Variants in CNBD1 observed in about 807,000 individuals in gnomAD.
CNBD1 encodes the protein cyclic nucleotide-binding domain-containing protein 1.
CNBD1 carries 71 observed loss-of-function variants against 54.4 expected under a neutral mutation model. The observed-to-expected ratio is 1.30, with a 90% CI of 1.08 to 1.59. The LOEUF (loss-of-function observed/expected upper bound fraction) is 1.59. Ranked by LOEUF, CNBD1 falls within the 40% of genes most tolerant of loss-of-function variation. The pLI is 0.00. For missense variants in CNBD1, 659 were observed against 518.0 expected, an observed-to-expected ratio of 1.27 and a Z score of -2.64; for synonymous variants, 182 against 170.7, an observed-to-expected ratio of 1.07 and a Z score of -0.51.
chr8:87,001,060 A>G (rs1808980046), intron 4 of CNBD1, among the ~76,000 whole-genome samples: 1 of 152,092 alleles, frequency 6.6e-6, no homozygotes, highest in Non-Finnish European at 1.5e-5. Flanking sequence ...TGAACAAACA[A>G]TTATCATTAT....
chr8:87,107,299 C>G (rs1385247208), intron 4 of CNBD1, among the ~76,000 whole-genome samples: 1 of 152,186 alleles, frequency 6.6e-6, no homozygotes, highest in African/African-American at 2.4e-5. Flanking sequence ...TCTCCTGTTT[C>G]CTTCCAACTT....
intron 1 of CNBD1, among the ~76,000 whole-genome samples, chr8:86,877,167 G>A (rs1305186228): frequency 6.6e-6 from 1 of 151,892 alleles, no homozygotes; most frequent in African/African-American, 2.4e-5. Context: ...TTCTTAAACT[G>A]TAACTATTAA....
At chr8:87,391,982 T>C (rs907400051) in intron 2 of CNBD1, among the ~76,000 whole-genome samples, 1 of 152,014 alleles carries the variant, frequency 6.6e-6, no homozygotes, top group Non-Finnish European at 1.5e-5. Flanking sequence ...CACAACTGTG[T>C]AATTAAAAAT....
chr8:87,087,652 G>C (rs979699221), intron 4 of CNBD1, among the ~76,000 whole-genome samples: 13 of 151,834 alleles, frequency 8.6e-5, no homozygotes, highest in Non-Finnish European at 1.8e-4. Context: ...ATTTTTAGTA[G>C]AGACGGGGTT....
At chr8:87,170,785 C>A (rs1392778244) in intron 4 of CNBD1, among the ~76,000 whole-genome samples, 1 of 152,080 alleles carries the variant, frequency 6.6e-6, no homozygotes, top group Non-Finnish European at 1.5e-5. Context: ...TGTTTTTTCC[C>A]ATCATTCTGT....
At chr8:87,280,901 G>C (rs1373805571) in intron 6 of CNBD1, among the ~76,000 whole-genome samples, 1 of 151,474 alleles carries the variant, frequency 6.6e-6, no homozygotes, top group Non-Finnish European at 1.5e-5. Context: ...ATGAGAAACT[G>C]TTCCATCTGT....
intron 4 of CNBD1, among the ~76,000 whole-genome samples, chr8:87,053,537 TC>T (rs1810354829): frequency 1.3e-5 from 2 of 152,062 alleles, no homozygotes; most frequent in African/African-American, 2.4e-5. Flanking sequence ...AGAAGGGGTG[TC>T]CCCCCTCTCC....
chr8:87,010,344 AATTTTCTAAT>A, intron 4 of CNBD1, among the ~76,000 whole-genome samples: 1 of 152,132 alleles, frequency 6.6e-6, no homozygotes. Flanking sequence ...TCTGTCTTCC[AATTTTCTAAT>A]GCTTTGTTTT....
chr8:87,338,100 A>T (rs533893914), intron 8 of CNBD1, among the ~76,000 whole-genome samples: 20 of 152,186 alleles, frequency 1.3e-4, no homozygotes, highest in Non-Finnish European at 2.4e-4. Flanking sequence ...TGCAATATAC[A>T]CTTAAACCTA....
At chr8:86,999,164 G>A (rs1042770333) in intron 4 of CNBD1, among the ~76,000 whole-genome samples, 1 of 152,158 alleles carries the variant, frequency 6.6e-6, no homozygotes, top group African/African-American at 2.4e-5. Flanking sequence ...GCTTCTTTTT[G>A]CTTTGATTTT....
chr8:86,962,108 T>G (rs1014813420), intron 4 of CNBD1, among the ~76,000 whole-genome samples: 1 of 113,032 alleles, frequency 8.8e-6, no homozygotes, highest in Admixed American at 7.9e-5. Flanking sequence ...AAAACAGAGG[T>G]TTTTTTCAAA....
At chr8:87,328,711 C>T (rs1445137160) in intron 8 of CNBD1, among the ~76,000 whole-genome samples, 2 of 152,094 alleles carry the variant, frequency 1.3e-5, no homozygotes, top group Non-Finnish European at 2.9e-5. Context: ...GACATTTTAA[C>T]AAGACTAAGT....
chr8:87,010,926 CCTA>C lies in CNBD1; in HGVS notation c.431+71176_431+71178del, dbSNP rs1428834239. On this transcript the variant is annotated intron_variant, in intron 4 of 10. Transcript: ENST00000518476. ...TATATTTGATGACTTGTTTTCTTCTCCTACTAGTATTTATTAGTAAATTGGACA... is the reference window on the plus strand; with the variant it reads ...TATATTTGATGACTTGTTTTCTTCTCCTAGTATTTATTAGTAAATTGGACA... Among the ~76,000 whole-genome samples the C allele has an allele frequency of 3.9e-5, 6 of 152,112 alleles. No individual in the cohort carries two copies. In the East Asian group the frequency reaches 1.2e-3, roughly 29 times the overall value.
At chr8:87,208,530 T>A (rs960471559) in intron 5 of CNBD1, among the ~76,000 whole-genome samples, 1 of 151,928 alleles carries the variant, frequency 6.6e-6, no homozygotes, top group Non-Finnish European at 1.5e-5. Context: ...AATGGAAGGA[T>A]TTTTCATTAG....
At chr8:87,385,976 C>T (rs997166953), downstream of CNBD1, among the ~76,000 whole-genome samples, 2 of 152,184 alleles carry the variant, frequency 1.3e-5, no homozygotes, top group African/African-American at 2.4e-5. Flanking sequence ...CGCTGTTCTG[C>T]AGCCTCCACT....
chr8:87,075,803 G>C (rs947168902), intron 4 of CNBD1, among the ~76,000 whole-genome samples: 2 of 152,058 alleles, frequency 1.3e-5, no homozygotes, highest in Non-Finnish European at 2.9e-5. Flanking sequence ...TTTTATTTTT[G>C]TTTTTAATAG....
chr8:87,328,391 G>T (rs1008106772), intron 8 of CNBD1, among the ~76,000 whole-genome samples: 13 of 151,334 alleles, frequency 8.6e-5, no homozygotes, highest in Non-Finnish European at 8.8e-5. Flanking sequence ...TTTAATTATT[G>T]TGTATAATTT....
intron 9 of CNBD1, among the ~76,000 whole-genome samples, chr8:87,352,912 G>A (rs1368238654): frequency 1.3e-5 from 2 of 152,152 alleles, no homozygotes; most frequent in East Asian, 1.9e-4. Flanking sequence ...AGGTTATTTA[G>A]TAAATGCTTT....
chr8:86,880,122 G>T (rs1334836541), intron 1 of CNBD1, among the ~76,000 whole-genome samples: 1 of 152,144 alleles, frequency 6.6e-6, no homozygotes, highest in African/African-American at 2.4e-5. Flanking sequence ...TAGTATTACA[G>T]ATGAGATTCA....
Sources: gnomAD v4.1 joint callset for allele counts (sites outside exome capture counted in the v4.1 genomes callset) on GRCh38, gnomAD v4.1.1 for gene constraint, MANE v1.5 for transcripts, NCBI Gene and HGNC (gene_info 2026-07-23, HGNC 2026-07-21) for gene names.